The following MKLN1 variants were observed in gnomAD, a reference collection of about 807,000 sequenced individuals.
The protein encoded by MKLN1 is muskelin 1, also known as muskelin.
Under a neutral mutation model 99.0 loss-of-function variants are expected in MKLN1, and 18 were observed. The ratio of observed to expected loss-of-function variants is 0.18; its 90% CI spans 0.13 to 0.27. The LOEUF (loss-of-function observed/expected upper bound fraction) is 0.27. Ranked by LOEUF, MKLN1 falls within the 10% of genes least tolerant of loss-of-function variation. The probability of loss-of-function intolerance (pLI) is 1.00; values close to 1 mark genes in which losing one functional copy is unlikely to be tolerated. For synonymous variants in MKLN1, 288 were observed against 293.2 expected, an observed-to-expected ratio of 0.98 and a Z score of 0.18; for missense variants, 621 against 875.9, an observed-to-expected ratio of 0.71 and a Z score of 3.67.
At chr7:131,161,957 GTGTGTGTATATATATA>G (rs1408442267) in intron 2 of MKLN1, among the ~76,000 whole-genome samples, 1,204 of 68,346 alleles carry the variant, frequency 0.018, 14 homozygotes, top group African/African-American at 0.073. Context: ...ATACGTGTGT[GTGTGTGTATATATATA>G]TATATATATA....
chr7:131,151,606 A>T (rs1795889514), intron 2 of MKLN1, among the ~76,000 whole-genome samples: 1 of 152,242 alleles, frequency 6.6e-6, no homozygotes, highest in African/African-American at 2.4e-5. Flanking sequence ...TTATATTTAA[A>T]GAGTACTGGA....
intron 2 of MKLN1, among the ~76,000 whole-genome samples, chr7:131,187,268 G>T (rs987315400): frequency 4.6e-5 from 7 of 151,640 alleles, no homozygotes; most frequent in Non-Finnish European, 7.4e-5. Flanking sequence ...CTTTCCTACC[G>T]CACAGTCAGC....
chr7:131,258,615 T>C (rs1446506598), intron 3 of MKLN1, among the ~76,000 whole-genome samples: 1 of 152,172 alleles, frequency 6.6e-6, no homozygotes, highest in Non-Finnish European at 1.5e-5. Context: ...CAATTGTTGG[T>C]ATAAATGAAG....
intron 14 of MKLN1, among the ~76,000 whole-genome samples, chr7:131,464,987 AT>A (rs1272635661): frequency 6.6e-6 from 1 of 152,130 alleles, no homozygotes; most frequent in Non-Finnish European, 1.5e-5. Flanking sequence ...ACAGAGACCA[AT>A]TCTTTCTGTT....
intron 1 of MKLN1, among the ~76,000 whole-genome samples, chr7:131,123,319 C>T (rs1197811358): frequency 1.3e-5 from 2 of 152,202 alleles, no homozygotes; most frequent in Non-Finnish European, 2.9e-5. Context: ...TACAGTCTGT[C>T]TCAGCTACTC....
intron 8 of MKLN1, among the ~76,000 whole-genome samples, chr7:131,422,743 T>A (rs540580300): frequency 4.1e-4 from 63 of 152,098 alleles, no homozygotes; most frequent in Non-Finnish European, 7.5e-4. Context: ...TGTAGGGTTT[T>A]TTTTTTCCCA....
In MKLN1 at chr7:131,397,246, T is replaced by C. The variant is rs377529978; in HGVS notation, c.401-21T>C. 1.1e-4 allele frequency: 161 copies of C among 1,461,496 alleles called. 1 individual carries two copies. In the African/African-American group the frequency reaches 2.0e-3, roughly 18 times the overall value. 90.5% of individuals were successfully genotyped at this position (1,461,496 alleles called of 1,614,324 possible). A position where few individuals can be genotyped will look rare whatever the true frequency, so the allele number is the denominator to read the frequency against. On this transcript the variant is annotated intron_variant, in intron 4 of 17. Transcript: ENST00000352689. ...ACTGTGTTAATATTTTTCTTCTTCT[T>C]TTTGTTTTTTCTCCTTAAAGTTCCA...
intron 1 of MKLN1, among the ~76,000 whole-genome samples, chr7:131,333,724 G>A (rs1799166266): frequency 6.6e-6 from 1 of 152,118 alleles, no homozygotes; most frequent in South Asian, 2.1e-4. Flanking sequence ...TTTTAGTAGA[G>A]ACGGGGTTTC....
chr7:131,267,933 A>T (rs1341409618), intron 3 of MKLN1, among the ~76,000 whole-genome samples: 3 of 152,214 alleles, frequency 2.0e-5, no homozygotes, highest in Non-Finnish European at 1.5e-5. Context: ...ATAATAATTT[A>T]AAAAATATTA....
intron 1 of MKLN1, among the ~76,000 whole-genome samples, chr7:131,334,528 G>A (rs865943807): frequency 4.6e-5 from 7 of 152,202 alleles, no homozygotes; most frequent in South Asian, 2.1e-4. Flanking sequence ...TTTTCTGAGC[G>A]TCAGTTTCTT....
At chr7:131,253,356 CA>C (rs1226432956) in intron 3 of MKLN1, among the ~76,000 whole-genome samples, 1 of 152,116 alleles carries the variant, frequency 6.6e-6, no homozygotes, top group Non-Finnish European at 1.5e-5. Context: ...GGCAGGCCAC[CA>C]GCATTTCTCA....
At chr7:131,217,646 C>T (rs1420819585) in intron 3 of MKLN1, among the ~76,000 whole-genome samples, 2 of 152,138 alleles carry the variant, frequency 1.3e-5, no homozygotes, top group African/African-American at 2.4e-5. Flanking sequence ...TGCAGTGAGC[C>T]GAGATCGTGC....
In MKLN1 at chr7:131,225,033, A is replaced by G. The variant is rs1797125821; in HGVS notation, c.-179+22059A>G. Among the ~76,000 whole-genome samples the G allele has an allele frequency of 2.6e-5, 4 of 151,744 alleles. 1 individual carries two copies. Among genetic ancestry groups the G allele is most frequent in the Middle Eastern group, 3.4e-3 (1 of 294 alleles). On this transcript the variant is annotated intron_variant, in intron 3 of 7. Coordinates refer to the MKLN1 transcript ENST00000416992. ...GCTTGCAATGAGCCAAGATCGTGCC[A>G]CTGCAGTCCAGGCTGGGCAACAGAG...
intron 2 of MKLN1, among the ~76,000 whole-genome samples, chr7:131,189,082 C>T (rs975332225): frequency 2.6e-5 from 4 of 152,108 alleles, no homozygotes; most frequent in Non-Finnish European, 5.9e-5. Flanking sequence ...TAAAGGGATA[C>T]GGAAAATCAT....
intron 3 of MKLN1, among the ~76,000 whole-genome samples, chr7:131,249,952 C>G (rs960734190): frequency 6.6e-6 from 1 of 152,082 alleles, no homozygotes; most frequent in Non-Finnish European, 1.5e-5. Context: ...AGGAGAGGGG[C>G]AGGTCTGCCT....
intron 1 of MKLN1, among the ~76,000 whole-genome samples, chr7:131,133,819 GGTTTTTTTTTTT>G (rs1213097922): frequency 1.5e-5 from 1 of 67,240 alleles, no homozygotes; most frequent in African/African-American, 5.1e-5. Flanking sequence ...TTTTTAATTT[GGTTTTTTTTTTT>G]TTTTTTTTTT....
Position 131,464,320 on chromosome 7 carries a change from C to A in MKLN1, c.1700C>A (p.Ala567Asp). ...SWSCVYKNDQAAKDNPTKSLQ... is the reference protein window; with the variant it reads ...SWSCVYKNDQDAKDNPTKSLQ... ...TCTTGTGTCTATAAGAATGATCAAG[C>A]TGCAAAGGATAATCCAACTAAAAGT... The change falls in exon 14 of 18, where the codon GCT (alanine) becomes GAT (aspartate). Residue 567 changes from alanine to aspartate, a missense_variant. This residue lies in a region of MKLN1 where 30 missense variants were observed against 29.3 expected (regional missense o/e 1.02). Transcript: ENST00000352689. 2 of 1,612,642 alleles carry A rather than the reference C, an allele frequency of 1.2e-6. No individual in the cohort carries two copies. The highest frequency in any genetic ancestry group is 3.3e-4 in the Middle Eastern group (2 of 6,056).
intron 2 of MKLN1, among the ~76,000 whole-genome samples, chr7:131,384,354 T>A (rs1793944565): frequency 6.6e-6 from 1 of 151,324 alleles, no homozygotes; most frequent in Non-Finnish European, 1.5e-5. Flanking sequence ...ATAAATCCAA[T>A]GACAAGTGTC....
At chr7:131,445,429 C>T (rs913710850) in intron 11 of MKLN1, among the ~76,000 whole-genome samples, 7 of 152,118 alleles carry the variant, frequency 4.6e-5, no homozygotes, top group African/African-American at 1.4e-4. Context: ...CTCTCGCTTG[C>T]GTGCTCTCTC....
Sources: gnomAD v4.1 joint callset for allele counts (sites outside exome capture counted in the v4.1 genomes callset) on GRCh38, gnomAD v4.1.1 for gene constraint, gnomAD v4.1.1 regional missense constraint, MANE v1.5 for transcripts, NCBI Gene and HGNC (gene_info 2026-07-23, HGNC 2026-07-21) for gene names.